Variants in FER observed in about 807,000 individuals in gnomAD.
The protein encoded by FER is tyrosine-protein kinase Fer.
Under a neutral mutation model 111.0 loss-of-function variants are expected in FER, and 63 were observed. That is an observed-to-expected ratio of 0.57 (90% CI 0.46 to 0.70). The LOEUF is 0.70. Among genes scored for constraint, FER ranks in the 30% least tolerant of loss-of-function variants. The probability of loss-of-function intolerance (pLI) is 0.00; values close to 1 mark genes in which losing one functional copy is unlikely to be tolerated. For synonymous variants in FER, 327 were observed against 313.9 expected (o/e 1.04, Z -0.44); for missense variants, 914 against 954.0 (o/e 0.96, Z 0.55).
intron 13 of FER, among the ~76,000 whole-genome samples, chr5:109,031,502 T>G (rs1214563058): frequency 6.6e-6 from 1 of 152,158 alleles, no homozygotes; most frequent in African/African-American, 2.4e-5. Flanking sequence ...AAAAAAAAAT[T>G]AAAGGGTTAC....
intron 13 of FER, among the ~76,000 whole-genome samples, chr5:109,034,879 G>A (rs1485123006): frequency 1.3e-5 from 2 of 151,992 alleles, no homozygotes; most frequent in Admixed American, 6.6e-5. Context: ...AGGGTTTGGG[G>A]TGGAGAATTA....
At chr5:108,846,646 G>A (rs990386236) in intron 5 of FER, among the ~76,000 whole-genome samples, 59 of 151,904 alleles carry the variant, frequency 3.9e-4, no homozygotes, top group African/African-American at 1.3e-3. Flanking sequence ...GCAGTGGCGC[G>A]ATCACGGCCC....
At chr5:108,964,104 A>T (rs1027083186) in intron 13 of FER, among the ~76,000 whole-genome samples, 1 of 152,180 alleles carries the variant, frequency 6.6e-6, no homozygotes, top group African/African-American at 2.4e-5. Flanking sequence ...AAAGGAATGA[A>T]AAATATATGT....
At chr5:108,777,044 G>A (rs1357867248) in intron 2 of FER, among the ~76,000 whole-genome samples, 1 of 152,128 alleles carries the variant, frequency 6.6e-6, no homozygotes, top group Non-Finnish European at 1.5e-5. Flanking sequence ...AGGCATATTG[G>A]CCTATGCCTG....
At chr5:108,749,902 G>A (rs1296641972) in intron 1 of FER, among the ~76,000 whole-genome samples, 4 of 152,276 alleles carry the variant, frequency 2.6e-5, no homozygotes, top group African/African-American at 9.6e-5. Flanking sequence ...ACTATGAGGT[G>A]GGCACTTTGT....
At chr5:109,070,134 T>C (rs1177375724) in intron 16 of FER, among the ~76,000 whole-genome samples, 1 of 87,714 alleles carries the variant, frequency 1.1e-5, no homozygotes, top group Non-Finnish European at 2.4e-5. Flanking sequence ...TAAAGGTTGA[T>C]TTTTTTTTTT....
intron 17 of FER, among the ~76,000 whole-genome samples, chr5:109,137,198 G>C (rs1208800206): frequency 6.6e-6 from 1 of 152,084 alleles, no homozygotes; most frequent in Non-Finnish European, 1.5e-5. Context: ...AGTCATGAAA[G>C]GATTTTTTTC....
At chr5:108,946,892 T>G (rs930903873) in intron 11 of FER, among the ~76,000 whole-genome samples, 2 of 151,976 alleles carry the variant, frequency 1.3e-5, no homozygotes, top group African/African-American at 2.4e-5. Flanking sequence ...CTAGTCTAAT[T>G]CTGGTCCTGA....
At chr5:109,052,436 C>A in intron 16 of FER, 1 of 1,417,048 alleles carries the variant, frequency 7.1e-7, no homozygotes, top group South Asian at 1.2e-5. Flanking sequence ...AGGAGTTTGC[C>A]TAAAGTGCTC....
intron 13 of FER, among the ~76,000 whole-genome samples, chr5:109,013,440 C>T (rs191763183): frequency 0.12 from 17,378 of 151,086 alleles, 1,033 homozygotes; most frequent in Non-Finnish European, 0.14. Context: ...TAGTATTCCA[C>T]GGTGTATATG....
chr5:108,772,971 A>G (rs1455870719), intron 2 of FER, among the ~76,000 whole-genome samples: 1 of 152,232 alleles, frequency 6.6e-6, no homozygotes, highest in African/African-American at 2.4e-5. Context: ...AGAGCTAAGC[A>G]CAATCAGAAA....
At chr5:109,092,226 G>T (rs1011831805) in intron 16 of FER, among the ~76,000 whole-genome samples, 1 of 128,952 alleles carries the variant, frequency 7.8e-6, no homozygotes, top group South Asian at 2.5e-4. Flanking sequence ...CAAAAGCCTA[G>T]GCAACTAATG....
intron 17 of FER, among the ~76,000 whole-genome samples, chr5:109,104,902 C>T (rs1748695271): frequency 6.6e-6 from 1 of 151,938 alleles, no homozygotes; most frequent in African/African-American, 2.4e-5. Flanking sequence ...GCCACCACGC[C>T]CGGCTAATTT....
intron 13 of FER, among the ~76,000 whole-genome samples, chr5:109,005,246 AAG>A (rs1358927168): frequency 6.6e-6 from 1 of 152,076 alleles, no homozygotes; most frequent in Non-Finnish European, 1.5e-5. Context: ...GTCCATCAAC[AAG>A]ACAGTCCTCA....
chr5:108,993,287 G>C (rs547389325), intron 13 of FER, among the ~76,000 whole-genome samples: 1 of 152,232 alleles, frequency 6.6e-6, no homozygotes, highest in Non-Finnish European at 1.5e-5. Context: ...CTGCAATCCC[G>C]GCACCTCGGG....
At chr5:109,080,865 A>G (rs1362971113) in intron 16 of FER, among the ~76,000 whole-genome samples, 1 of 152,104 alleles carries the variant, frequency 6.6e-6, no homozygotes, top group African/African-American at 2.4e-5. Context: ...CAGCTTTTCA[A>G]CAGGTCACGT....
In FER at chr5:109,082,829, A is replaced by G. The variant is rs368570014; in HGVS notation, c.1925-17567A>G. On this transcript the variant is annotated intron_variant, in intron 16 of 19. Transcript: ENST00000281092. ...CATCCTAGGAAATTTTAGTACCTCT[A>G]AATTCTTTATCCAAGATGAGAAATC... is the stretch of plus-strand genomic sequence containing the variant. Among the ~76,000 whole-genome samples the G allele has an allele frequency of 3.3e-5, 5 of 151,996 alleles. No individual in the cohort carries two copies. The East Asian group carries it at 9.6e-4, about 29-fold the overall frequency.
chr5:109,100,506 A>G lies in FER; in HGVS notation c.2035A>G (p.Asn679Asp). Residue 679 changes from asparagine (N) to aspartate (D), a missense_variant, in exon 17 of 20, where the codon AAC becomes GAC. Transcript: ENST00000281092. The stretch of plus-strand genomic sequence containing the variant: ...TGGTATGTTGTATCTCGAGAGTAAA[A>G]ACTGTATACACAGGTAAGGAGAACA... ...AAGMLYLESK[N>D]CIHRDLAARN... 3 of 1,610,662 alleles carry G rather than the reference A, an allele frequency of 1.9e-6. No homozygotes were observed. The highest frequency in any genetic ancestry group is 2.5e-6 in the Non-Finnish European group (3 of 1,177,620).
chr5:109,027,489 C>A (rs1471278666), intron 13 of FER, among the ~76,000 whole-genome samples: 1 of 152,084 alleles, frequency 6.6e-6, no homozygotes, highest in Admixed American at 6.6e-5. Flanking sequence ...GGGCATTCTT[C>A]TTGGAGAACT....
Sources: gnomAD v4.1 joint callset for allele counts (sites outside exome capture counted in the v4.1 genomes callset) on GRCh38, gnomAD v4.1.1 for gene constraint, MANE v1.5 for transcripts, NCBI Gene and HGNC (gene_info 2026-07-23, HGNC 2026-07-21) for gene names.